Variants in FRMPD2 observed in about 807,000 individuals in gnomAD.
FRMPD2 encodes the protein FERM and PDZ domain-containing protein 2.
A neutral mutation model predicts 140.1 loss-of-function variants in FRMPD2; 96 were observed. The observed-to-expected ratio is 0.69, with a 90% CI of 0.58 to 0.81. The LOEUF (loss-of-function observed/expected upper bound fraction) is 0.81, where lower values mean the gene tolerates loss of function less well. Ranked by LOEUF, FRMPD2 falls within the 40% of genes least tolerant of loss-of-function variation. The pLI is 0.00. For synonymous variants in FRMPD2, 449 were observed against 547.6 expected (o/e 0.82, Z 2.52); for missense variants, 1,240 against 1,447.4 (o/e 0.86, Z 2.32).
chr10:48,207,699 G>A (rs1433392118), intron 13 of FRMPD2, among the ~76,000 whole-genome samples: 2 of 152,124 alleles, frequency 1.3e-5, no homozygotes, highest in East Asian at 1.9e-4. Context: ...CCCATCAGAA[G>A]GTTGATGTGT....
intron 1 of FRMPD2, among the ~76,000 whole-genome samples, chr10:48,255,046 CAG>C (rs913230445): frequency 6.6e-6 from 1 of 152,220 alleles, no homozygotes; most frequent in African/African-American, 2.4e-5. Flanking sequence ...AGAGATCTGA[CAG>C]TGAGGATGTT....
intron 1 of FRMPD2, among the ~76,000 whole-genome samples, chr10:48,259,911 C>A (rs1840551172): frequency 6.6e-6 from 1 of 151,920 alleles, no homozygotes; most frequent in Non-Finnish European, 1.5e-5. Flanking sequence ...AAAACAAGAA[C>A]AACAGAAAAA....
intron 14 of FRMPD2, among the ~76,000 whole-genome samples, chr10:48,204,211 C>A (rs1481957838): frequency 6.6e-6 from 1 of 152,158 alleles, no homozygotes; most frequent in East Asian, 1.9e-4. Context: ...TAATTTAGTT[C>A]TCAAAAATAC....
At chr10:48,159,349 C>T in intron 28 of FRMPD2, 2 of 431,194 alleles carry the variant, frequency 4.6e-6, no homozygotes, top group East Asian at 7.1e-5. Flanking sequence ...TGGACAGATA[C>T]CCCTGGGTAT....
At chr10:48,189,464 G>A (rs536543819) in intron 16 of FRMPD2, among the ~76,000 whole-genome samples, 1 of 152,356 alleles carries the variant, frequency 6.6e-6, no homozygotes, top group South Asian at 2.1e-4. Context: ...GAATGCCACT[G>A]GCGATGGGGT....
chr10:48,209,189 T>C (rs891787408), intron 13 of FRMPD2, among the ~76,000 whole-genome samples: 3 of 152,200 alleles, frequency 2.0e-5, no homozygotes, highest in Admixed American at 6.5e-5. Context: ...AGTGCATTTG[T>C]TATAATGCTA....
At chr10:48,270,324 C>T (rs17009537) in intron 1 of FRMPD2, among the ~76,000 whole-genome samples, 24,199 of 152,042 alleles carry the variant, frequency 0.16, 4,443 homozygotes, top group African/African-American at 0.45. Flanking sequence ...GGCCAATTTG[C>T]GACAGCTGAT....
intron 20 of FRMPD2, among the ~76,000 whole-genome samples, chr10:48,184,064 C>T (rs1429836): frequency 0.26 from 40,125 of 151,678 alleles, 5,688 homozygotes; most frequent in East Asian, 0.4. Context: ...ACCCCTGTGA[C>T]ACGAGTTTGC....
intron 12 of FRMPD2, among the ~76,000 whole-genome samples, chr10:48,219,492 C>A (rs994062745): frequency 1.3e-5 from 2 of 152,162 alleles, no homozygotes; most frequent in African/African-American, 4.8e-5. Flanking sequence ...GATGTCATGT[C>A]ACACTGCTGG....
chr10:48,233,278 C>G (rs1410117499), intron 9 of FRMPD2, among the ~76,000 whole-genome samples: 1 of 152,208 alleles, frequency 6.6e-6, no homozygotes, highest in Non-Finnish European at 1.5e-5. Flanking sequence ...GGGTTTCACA[C>G]ATGCCGCTGG....
At chr10:48,258,806 T>C (rs1424811143) in intron 1 of FRMPD2, among the ~76,000 whole-genome samples, 3 of 152,366 alleles carry the variant, frequency 2.0e-5, no homozygotes, top group African/African-American at 7.2e-5. Flanking sequence ...TTTAAAAGGA[T>C]ACTACATATC....
intron 1 of FRMPD2, among the ~76,000 whole-genome samples, chr10:48,255,917 G>A (rs1254690088): frequency 2.0e-5 from 3 of 152,226 alleles, no homozygotes; most frequent in Non-Finnish European, 4.4e-5. Flanking sequence ...GTGGGAGGTG[G>A]AGTTGGAGAG....
At chr10:48,183,250 A>G (rs1838594364) in intron 20 of FRMPD2, among the ~76,000 whole-genome samples, 1 of 152,176 alleles carries the variant, frequency 6.6e-6, no homozygotes, top group Admixed American at 6.5e-5. Flanking sequence ...TCAAGTGTGA[A>G]GAAGCAATCA....
At chr10:48,231,843 C>G (rs1382530918) in intron 10 of FRMPD2, among the ~76,000 whole-genome samples, 2 of 152,214 alleles carry the variant, frequency 1.3e-5, no homozygotes, top group Non-Finnish European at 2.9e-5. Context: ...GCTTGTTTGT[C>G]TAACTTCAGT....
intron 7 of FRMPD2, among the ~76,000 whole-genome samples, chr10:48,239,303 C>G (rs1840044243): frequency 6.6e-6 from 1 of 152,204 alleles, no homozygotes; most frequent in Non-Finnish European, 1.5e-5. Context: ...TGTTATGCAG[C>G]ATGGTATGGC....
chr10:48,225,132 C>G (rs1016508750), intron 10 of FRMPD2, among the ~76,000 whole-genome samples: 4 of 152,116 alleles, frequency 2.6e-5, no homozygotes, highest in Admixed American at 2.6e-4. Flanking sequence ...GAGAGGATTT[C>G]GCCAGAAGGC....
chr10:48,212,224 C>A (rs1797618615), intron 12 of FRMPD2, 115 bp from the exon 13 acceptor site: 1 of 1,071,324 alleles, frequency 9.3e-7, no homozygotes, highest in Non-Finnish European at 1.4e-6. Context: ...GAGAAAGACA[C>A]TTCCTCGAGG....
intron 9 of FRMPD2, among the ~76,000 whole-genome samples, chr10:48,235,356 T>C (rs900910886): frequency 3.9e-5 from 6 of 152,198 alleles, no homozygotes; most frequent in African/African-American, 1.2e-4. Context: ...GCATAGGAAT[T>C]GGAGGCCCCT....
intron 15 of FRMPD2, among the ~76,000 whole-genome samples, chr10:48,197,902 G>A: frequency 6.6e-6 from 1 of 152,186 alleles, no homozygotes; most frequent in East Asian, 1.9e-4. Context: ...ACTTTTCCAA[G>A]CCTCAGTTTG....
Sources: allele counts gnomAD v4.1 joint callset (sites outside exome capture counted in the v4.1 genomes callset), GRCh38; gene constraint gnomAD v4.1.1; transcripts MANE v1.5; gene names NCBI Gene and HGNC (gene_info 2026-07-23, HGNC 2026-07-21).